Variants in MECOM observed in about 807,000 individuals in gnomAD.
The protein encoded by MECOM is histone-lysine N-methyltransferase MECOM.
Under a neutral mutation model 116.3 loss-of-function variants are expected in MECOM, and 13 were observed. That is an observed-to-expected ratio of 0.11 (90% CI 0.07 to 0.18). MECOM has a LOEUF of 0.18. Ranked by LOEUF, MECOM falls within the 10% of genes least tolerant of loss-of-function variation. The pLI is 1.00. For synonymous variants in MECOM, 528 were observed against 535.2 expected (o/e 0.99, Z 0.19); for missense variants, 1,299 against 1,509.0 (o/e 0.86, Z 2.31).
In MECOM at chr3:169,198,399, A is replaced by T. The variant is rs575835053; in HGVS notation, c.376-54567T>A. 4.6e-5 allele frequency among the ~76,000 whole-genome samples: 7 copies of T among 152,192 alleles called. No homozygotes were observed. The East Asian group carries it at 1.4e-3, about 29-fold the overall frequency. On this transcript the variant is annotated intron_variant, in intron 2 of 16. Coordinates refer to ENST00000651503, the MANE Select transcript of MECOM (RefSeq NM_004991.4). ...TGGAGGAAATCTTCCTTGTTAAAGT[A>T]CATTTCTATTTTAATTTCTGATTAT...
At chr3:169,146,371 C>A (rs1739920516) in intron 2 of MECOM, 7 of 1,377,272 alleles carry the variant, frequency 5.1e-6, no homozygotes, top group Non-Finnish European at 5.8e-6. Context: ...TTTTGGCAAC[C>A]GCACCTTGTG....
chr3:169,151,731 G>A (rs375122107), intron 2 of MECOM, among the ~76,000 whole-genome samples: 11 of 152,290 alleles, frequency 7.2e-5, no homozygotes, highest in African/African-American at 2.6e-4. Flanking sequence ...CCTTTTCCAT[G>A]TCAGAATAGG....
chr3:169,329,958 T>A (rs1560139466), intron 2 of MECOM, among the ~76,000 whole-genome samples: 1 of 152,230 alleles, frequency 6.6e-6, no homozygotes, highest in Non-Finnish European at 1.5e-5. Flanking sequence ...GTTTTGTGTG[T>A]CAGCAAAAGA....
chr3:169,325,624 T>C lies in MECOM; in HGVS notation c.375+55563A>G, dbSNP rs1416393736. On this transcript the variant is annotated intron_variant, in intron 2 of 16. Transcript: ENST00000651503. ...TTGGTGTTTGATCCTTTAAGAACAC[T>C]GAATGCACTGTATCAACTAACATAT... Among the ~76,000 whole-genome samples, 3 of 152,224 alleles carry C rather than the reference T, an allele frequency of 2.0e-5. No homozygotes were observed. The South Asian group carries it at 6.2e-4, about 31-fold the overall frequency.
At chr3:169,183,167 G>T (rs1404214048) in intron 2 of MECOM, among the ~76,000 whole-genome samples, 2 of 152,190 alleles carry the variant, frequency 1.3e-5, no homozygotes, top group African/African-American at 4.8e-5. Context: ...AAGGCAAGTT[G>T]TTGCTGTTGC....
chr3:169,116,405 A>C lies in MECOM; in HGVS notation c.1467T>G (p.Phe489Leu), dbSNP rs1303211716. ...LTFPTAPGFS[F>L]SFPGLFPSGL... Reference sequence around the variant, plus strand: ...CGGAAGGAAACAGACCAGGGAAGCTAAAAGAAAATCCAGGAGCTGTTGGAA... The same window carrying C: ...CGGAAGGAAACAGACCAGGGAAGCTCAAAGAAAATCCAGGAGCTGTTGGAA... The change falls in exon 8 of 17, where the codon TTT (phenylalanine) becomes TTG (leucine). Residue 489 changes from phenylalanine to leucine, a missense_variant. Phe to Leu is a conservative substitution (Grantham distance 22). Around this residue, in one of 6 missense-constraint regions of MECOM, gnomAD observed 238 missense variants for 273.1 expected, o/e 0.87. Transcript: ENST00000651503. The C allele has an allele frequency of 1.2e-6, 2 of 1,614,078 alleles. No homozygotes were observed. Among genetic ancestry groups the C allele is most frequent in the Non-Finnish European group, 1.7e-6 (2 of 1,180,046 alleles).
chr3:169,525,893 G>A (rs1398398509), intron 1 of MECOM, among the ~76,000 whole-genome samples: 3 of 152,148 alleles, frequency 2.0e-5, no homozygotes, highest in Admixed American at 2.0e-4. Flanking sequence ...GCCAGACGTG[G>A]TGGTGGGCAC....
At chr3:169,420,334 G>T (rs1739492081) in intron 1 of MECOM, among the ~76,000 whole-genome samples, 1 of 152,086 alleles carries the variant, frequency 6.6e-6, no homozygotes, top group Non-Finnish European at 1.5e-5. Context: ...CATGGGACCT[G>T]CATTATGGCT....
chr3:169,359,426 A>G (rs913414222), intron 2 of MECOM, among the ~76,000 whole-genome samples: 1 of 151,750 alleles, frequency 6.6e-6, no homozygotes, highest in Non-Finnish European at 1.5e-5. Context: ...CTTCAAATGA[A>G]CACTTGAGTG....
chr3:169,190,313 A>G (rs1747343697), intron 2 of MECOM, among the ~76,000 whole-genome samples: 1 of 151,996 alleles, frequency 6.6e-6, no homozygotes, highest in Non-Finnish European at 1.5e-5. Flanking sequence ...GAGGTACTCA[A>G]AACCAGAGAT....
chr3:169,160,825 A>C (rs1742737081), intron 2 of MECOM, among the ~76,000 whole-genome samples: 1 of 152,048 alleles, frequency 6.6e-6, no homozygotes, highest in Non-Finnish European at 1.5e-5. Flanking sequence ...TACCCACAAA[A>C]ATTAAAAATT....
At chr3:169,637,830 C>T (rs1310819820) in intron 1 of MECOM, among the ~76,000 whole-genome samples, 5 of 152,110 alleles carry the variant, frequency 3.3e-5, no homozygotes, top group Non-Finnish European at 5.9e-5. Flanking sequence ...TTGAAAACAC[C>T]ATTCATTCCA....
At chr3:169,184,868 A>G (rs1352611847) in intron 2 of MECOM, among the ~76,000 whole-genome samples, 2 of 152,246 alleles carry the variant, frequency 1.3e-5, no homozygotes, top group South Asian at 4.1e-4. Context: ...AGGGAAAGGC[A>G]GAGTGATTTG....
chr3:169,158,843 T>C (rs1350885260), intron 2 of MECOM, among the ~76,000 whole-genome samples: 1 of 152,266 alleles, frequency 6.6e-6, no homozygotes, highest in East Asian at 1.9e-4. Flanking sequence ...TTTTTATGCG[T>C]AGTGGGGTGC....
intron 1 of MECOM, among the ~76,000 whole-genome samples, chr3:169,453,336 T>C (rs751609088): frequency 5.3e-4 from 81 of 152,300 alleles, no homozygotes; most frequent in Middle Eastern, 3.4e-3. Context: ...AACAACAGCT[T>C]GATAAAGATG....
At chr3:169,426,837 G>A (rs1237557659) in intron 1 of MECOM, among the ~76,000 whole-genome samples, 2 of 152,138 alleles carry the variant, frequency 1.3e-5, no homozygotes, top group Non-Finnish European at 2.9e-5. Context: ...AGTAACATAA[G>A]GCTAACAGAG....
At chr3:169,560,569 T>G (rs1421015) in intron 1 of MECOM, among the ~76,000 whole-genome samples, 34,641 of 152,042 alleles carry the variant, frequency 0.23, 4,266 homozygotes, top group Non-Finnish European at 0.28. Flanking sequence ...AGACAGAAAG[T>G]ATTTCTTCAT....
intron 2 of MECOM, among the ~76,000 whole-genome samples, chr3:169,314,219 G>A (rs536775594): frequency 3.9e-5 from 6 of 152,270 alleles, no homozygotes; most frequent in South Asian, 2.1e-4. Context: ...CACTTCCTAC[G>A]ATGGATCAAG....
At chr3:169,263,253 C>G (rs1256396861) in intron 2 of MECOM, among the ~76,000 whole-genome samples, 1 of 149,678 alleles carries the variant, frequency 6.7e-6, no homozygotes, top group South Asian at 2.1e-4. Flanking sequence ...CTCAGCCTCC[C>G]GAGTAGCTGG....
Sources: gnomAD v4.1 joint callset for allele counts (sites outside exome capture counted in the v4.1 genomes callset) on GRCh38, gnomAD v4.1.1 for gene constraint, gnomAD v4.1.1 regional missense constraint, MANE v1.5 for transcripts, NCBI Gene and HGNC (gene_info 2026-07-23, HGNC 2026-07-21) for gene names.